The following ARHGAP9 variants were observed in gnomAD, a reference collection of about 807,000 sequenced individuals.
The protein encoded by ARHGAP9 is Rho GTPase activating protein 9, also known as rho GTPase-activating protein 9.
ARHGAP9 carries 76 observed loss-of-function variants against 87.3 expected under a neutral mutation model. That is an observed-to-expected ratio of 0.87 (90% CI 0.72 to 1.05). The LOEUF (loss-of-function observed/expected upper bound fraction) is 1.05. ARHGAP9 is among the 50% of genes least tolerant of loss of function. The probability of loss-of-function intolerance (pLI) is 0.00; values close to 1 mark genes in which losing one functional copy is unlikely to be tolerated. For missense variants in ARHGAP9, 941 were observed against 960.5 expected, an observed-to-expected ratio of 0.98 and a Z score of 0.27; for synonymous variants, 382 against 394.9, an observed-to-expected ratio of 0.97 and a Z score of 0.39.
chr12:57,475,045 T>C (rs1873074969), intron 12 of ARHGAP9, 72 bp from the exon 13 acceptor site: 2 of 1,481,942 alleles, frequency 1.3e-6, no homozygotes, highest in Admixed American at 3.5e-5. Context: ...CATAGGTCTT[T>C]ATCCTTAAGT....
chr12:57,481,067 GT>G (rs1468743149), upstream of ARHGAP9, among the ~76,000 whole-genome samples: 1 of 151,920 alleles, frequency 6.6e-6, no homozygotes. Context: ...TATTCATTTG[GT>G]GTTCAGTGCT....
At position 57,475,556 on chromosome 12, in the gene ARHGAP9, G is replaced by T. The variant is rs1421971385; in HGVS notation, c.1371C>A (p.Ala457=). The T allele has an allele frequency of 1.2e-6, 2 of 1,609,326 alleles. No individual in the cohort carries two copies. The highest frequency in any genetic ancestry group is 1.7e-6 in the Non-Finnish European group (2 of 1,178,344). ...CCGACTCCTCTTCTTCGTCCTCCCC[G>T]GCGCTCAGCTCCGCGGGTCCAGAGC... ...LSGSGPAELS[A]GEDEEEESEL... is the part of the protein sequence containing the mutation. The change falls in exon 11 of 18, where the codon GCC becomes GCA. Residue 457 remains alanine, a synonymous_variant. Coordinates refer to ENST00000393791, the MANE Select transcript of ARHGAP9 (RefSeq NM_032496.4).
At chr12:57,478,138 A>G (rs1191358015) in intron 3 of ARHGAP9, 2 of 329,098 alleles carry the variant, frequency 6.1e-6, no homozygotes, top group Admixed American at 4.9e-5. Context: ...GTAGCCTATC[A>G]GGCAAGCAGA....
Position 57,488,162 on chromosome 12 carries a change from C to T in ARHGAP9, c.-204+450G>A, listed in dbSNP as rs1320124519. 2 of 1,614,146 alleles carry T rather than the reference C, an allele frequency of 1.2e-6. No homozygotes were observed. Among genetic ancestry groups the T allele is most frequent in the Admixed American group, 3.3e-5 (2 of 60,032 alleles). Reference sequence around the variant, plus strand: ...TGGCCGCCGCCGGGAGAGCCCGGGGCAGAGCAGAGGTGCTCATCAGCACTG... The same window carrying T: ...TGGCCGCCGCCGGGAGAGCCCGGGGTAGAGCAGAGGTGCTCATCAGCACTG... On this transcript the variant is annotated intron_variant, in intron 1 of 20. Coordinates refer to the ARHGAP9 transcript ENST00000393797.
Position 57,474,958 on chromosome 12 carries a change from C to A in ARHGAP9, c.1568G>T (p.Cys523Phe), listed in dbSNP as rs1450391415. 2.5e-6 allele frequency: 4 copies of A among 1,613,900 alleles called. No individual in the cohort carries two copies. Among genetic ancestry groups the A allele is most frequent in the Non-Finnish European group, 1.7e-6 (2 of 1,180,040 alleles). ...CCGCTGGCAGAGTGATTCCAACTGG[C>A]AGCCGAACACCTGGTCTGGGGAAGT... ...RGLLRDQVFG[C>F]QLESLCQREG... Residue 523 changes from cysteine (C) to phenylalanine (F), a missense_variant, in exon 13 of 18, where the codon TGC (cysteine) becomes TTC (phenylalanine). Transcript: ENST00000393791.
At chr12:57,478,936 C>T (rs1048654240) in intron 2 of ARHGAP9, among the ~76,000 whole-genome samples, 155 bp downstream of exon 2, 11 of 151,964 alleles carry the variant, frequency 7.2e-5, no homozygotes, top group Admixed American at 4.6e-4. Flanking sequence ...GATGCCATGG[C>T]GGGGGCAAGA....
chr12:57,477,392 C>T (rs1874153011), intron 4 of ARHGAP9, 67 bp downstream of exon 4: 2 of 1,573,058 alleles, frequency 1.3e-6, no homozygotes, highest in Admixed American at 1.7e-5. Flanking sequence ...AAACACACTA[C>T]CTTGAGGTTC....
chr12:57,474,567 G>T lies in ARHGAP9; in HGVS notation c.1729+59C>A, dbSNP rs375113199. ...TCTGCCAGCTTCCTCATGTAGGACC[G>T]CCCATGGTTCTCAGGCAAGACATTC... On this transcript the variant is annotated intron_variant, in intron 14 of 17. Transcript: ENST00000393791. 8.2e-5 allele frequency: 132 copies of T among 1,612,524 alleles called. 1 individual carries two copies. Among genetic ancestry groups the T allele is most frequent in the South Asian group, 2.2e-5 (2 of 91,060 alleles).
Position 57,477,595 on chromosome 12 carries a change from C to T in ARHGAP9, c.620G>A (p.Gly207Asp). Residue 207 changes from glycine (G) to aspartate (D), a missense_variant, in exon 4 of 18, where the codon GGC becomes GAC. Transcript: ENST00000393791. ...CCTCTGCAGCAGGGGGCATGCAGGG[C>T]CTGGGGGTGGGGACCGAGGACAGCG... ...LRRCPRSPPP[G>D]PACPLLQRLD... is the part of the protein sequence containing the mutation. 2.5e-6 allele frequency: 4 copies of T among 1,612,894 alleles called. No individual in the cohort carries two copies. Among genetic ancestry groups the T allele is most frequent in the Non-Finnish European group, 3.4e-6 (4 of 1,179,370 alleles).
In ARHGAP9 at chr12:57,472,276, C is replaced by A; in HGVS notation, c.*241G>T. On this transcript the variant is annotated 3_prime_UTR_variant, in exon 18 of 18. Transcript: ENST00000393791. ...GAACTGCATCAGAAAAAATACCATG[C>A]CACTTTATGTATTATTATGTTGGGG... 3.3e-6 allele frequency: 2 copies of A among 602,946 alleles called. No homozygotes were observed. The highest frequency in any genetic ancestry group is 5.6e-6 in the Non-Finnish European group (2 of 355,858). 37.3% of individuals were successfully genotyped at this position (602,946 alleles called of 1,614,324 possible).
At position 57,479,371 on chromosome 12, in the gene ARHGAP9, C is replaced by A. The variant is rs777771531; in HGVS notation, c.36G>T (p.Gly12=). 2.0e-5 allele frequency: 33 copies of A among 1,613,456 alleles called. No individual in the cohort carries two copies. In the South Asian group the frequency reaches 3.5e-4, roughly 17 times the overall value. The part of the protein sequence containing the change: ...LSSRWWPSSW[G]ILGLGPRSPP... ...GGCTTCGGGGGCCCAGCCCTAGGAT[C>A]CCCCAGGAACTTGGCCACCACCGGC... Residue 12 remains glycine (G), a synonymous_variant, in exon 2 of 18, where the codon GGG becomes GGT. Transcript: ENST00000393791.
At chr12:57,487,963 C>T (rs957122391) in intron 1 of ARHGAP9, 1 of 725,652 alleles carries the variant, frequency 1.4e-6, no homozygotes, top group African/African-American at 1.8e-5. Context: ...AAATAGTCTA[C>T]TTTCCGGTAG....
chr12:57,477,426 G>A (rs773092620), intron 4 of ARHGAP9, 33 bp downstream of exon 4: 15 of 1,607,306 alleles, frequency 9.3e-6, no homozygotes, highest in Non-Finnish European at 4.3e-6. Flanking sequence ...AGAGCTTGAG[G>A]GGACAGTGGA....
intron 1 of ARHGAP9, chr12:57,488,315 C>G: frequency 1.1e-6 from 1 of 930,878 alleles, no homozygotes; most frequent in Non-Finnish European, 1.6e-6. Context: ...CAATCGACCA[C>G]TTCTCCTATT....
At chr12:57,488,626 A>T in exon 1 of ARHGAP9, 1 of 1,550,902 alleles carries the variant, frequency 6.4e-7, no homozygotes. Flanking sequence ...TCTCATTCTC[A>T]GCCGATTGTT....
chr12:57,479,770 C>T lies in ARHGAP9; in HGVS notation c.-59G>A, dbSNP rs1159255831. 2 of 1,550,104 alleles carry T rather than the reference C, an allele frequency of 1.3e-6. No individual in the cohort carries two copies. Among genetic ancestry groups the T allele is most frequent in the African/African-American group, 1.4e-5 (1 of 72,956 alleles). ...AGAAGATTCAGGAGCAGGAGTTGGTCCTGGGTAGTGGTGGGAGTCTTGAGG... is the reference window on the plus strand; with the variant it reads ...AGAAGATTCAGGAGCAGGAGTTGGTTCTGGGTAGTGGTGGGAGTCTTGAGG... On this transcript the variant is annotated 5_prime_UTR_variant, in exon 1 of 18. Coordinates refer to ENST00000393791, the MANE Select transcript of ARHGAP9 (RefSeq NM_032496.4).
upstream of ARHGAP9, chr12:57,480,873 C>T (rs1004300368): frequency 1.3e-6 from 2 of 1,531,316 alleles, no homozygotes; most frequent in Admixed American, 2.0e-5. Context: ...GAGCGAATGA[C>T]CCTCCCCACT....
At chr12:57,474,573 G>C (rs1277231930) in intron 14 of ARHGAP9, 53 bp downstream of exon 14, 4 of 1,613,298 alleles carry the variant, frequency 2.5e-6, no homozygotes, top group African/African-American at 1.3e-5. Context: ...GACCGCCCAT[G>C]GTTCTCAGGC....
upstream of ARHGAP9, among the ~76,000 whole-genome samples, chr12:57,484,572 T>C (rs1013047307): frequency 1.7e-4 from 26 of 152,168 alleles, no homozygotes; most frequent in East Asian, 1.9e-4. Flanking sequence ...TCTACAGTGA[T>C]TTCTGGCATA....
Sources: allele counts gnomAD v4.1 joint callset (sites outside exome capture counted in the v4.1 genomes callset), GRCh38; gene constraint gnomAD v4.1.1; transcripts MANE v1.5; gene names NCBI Gene and HGNC (gene_info 2026-07-23, HGNC 2026-07-21).